The following DOCK2 variants were observed in gnomAD, a reference collection of about 807,000 sequenced individuals.
DOCK2 encodes dedicator of cytokinesis protein 2.
In DOCK2, 87 loss-of-function variants were observed where a neutral mutation model predicts 248.9. The observed-to-expected ratio is 0.35, with a 90% CI of 0.29 to 0.42. The LOEUF (loss-of-function observed/expected upper bound fraction) is 0.42. Ranked by LOEUF, DOCK2 falls within the 10% of genes least tolerant of loss-of-function variation. DOCK2 has a pLI of 1.00. For synonymous variants in DOCK2, 805 were observed against 821.6 expected, an observed-to-expected ratio of 0.98 and a Z score of 0.35; for missense variants, 1,747 against 2,300.2, an observed-to-expected ratio of 0.76 and a Z score of 4.92.
At position 169,942,775 on chromosome 5, in the gene DOCK2, G is replaced by C. The variant is rs561095971; in HGVS notation, c.2800-40293G>C. ...GGAAACAGAGATCACCAACTAGCCTGCTCAAAGGTTAACTGTCAGGAACCT... is the reference window on the plus strand; with the variant it reads ...GGAAACAGAGATCACCAACTAGCCTCCTCAAAGGTTAACTGTCAGGAACCT... On this transcript the variant is annotated intron_variant, in intron 27 of 51. Transcript: ENST00000520908. 2.0e-5 allele frequency among the ~76,000 whole-genome samples: 3 copies of C among 152,300 alleles called. No homozygotes were observed. In the East Asian group the frequency reaches 5.8e-4, roughly 29 times the overall value.
chr5:169,711,833 C>T, intron 15 of DOCK2, 102 bp from the exon 16 acceptor site: 2 of 1,235,994 alleles, frequency 1.6e-6, no homozygotes, highest in Non-Finnish European at 2.4e-6. Flanking sequence ...GCAGGCAGCT[C>T]TCTCAGTTAA....
intron 27 of DOCK2, among the ~76,000 whole-genome samples, chr5:169,872,697 C>T (rs951373657): frequency 9.9e-5 from 15 of 152,160 alleles, no homozygotes; most frequent in South Asian, 2.1e-4. Context: ...AGATCATCTC[C>T]GAGAAAGTTA....
intron 25 of DOCK2, among the ~76,000 whole-genome samples, chr5:169,799,237 C>A (rs1026177057): frequency 6.6e-6 from 1 of 152,144 alleles, no homozygotes; most frequent in Non-Finnish European, 1.5e-5. Context: ...TTTAAATCTC[C>A]TTTTTTAGAA....
intron 30 of DOCK2, among the ~76,000 whole-genome samples, chr5:170,007,216 A>C (rs1341242195): frequency 6.6e-6 from 1 of 152,226 alleles, no homozygotes; most frequent in Non-Finnish European, 1.5e-5. Flanking sequence ...TTTCAATGGC[A>C]GTATGATTTC....
intron 27 of DOCK2, among the ~76,000 whole-genome samples, chr5:169,913,201 A>C (rs1774703423): frequency 6.6e-6 from 1 of 152,350 alleles, no homozygotes; most frequent in African/African-American, 2.4e-5. Flanking sequence ...GGAATGTGCT[A>C]TTGAAGTTTA....
intron 32 of DOCK2, among the ~76,000 whole-genome samples, chr5:170,015,481 A>G (rs1755488525): frequency 6.6e-6 from 1 of 152,194 alleles, no homozygotes; most frequent in Non-Finnish European, 1.5e-5. Flanking sequence ...CATTGCCAGG[A>G]GGGAGCTTTT....
At chr5:169,762,464 G>A (rs1039245734) in intron 25 of DOCK2, among the ~76,000 whole-genome samples, 2 of 152,180 alleles carry the variant, frequency 1.3e-5, no homozygotes, top group African/African-American at 4.8e-5. Flanking sequence ...CCCACTGGCA[G>A]AAGACTTAGA....
At position 169,654,423 on chromosome 5, in the gene DOCK2, A is replaced by T; in HGVS notation, c.64A>T (p.Ser22Cys). The stretch of plus-strand genomic sequence containing the variant: ...CACAGCCATATACAACTTCCAAGGC[A>T]GCGGAGCCCCCCAGCTCTCCCTGCA... ...HGVAIYNFQG[S>C]GAPQLSLQIG... is the part of the protein sequence containing the mutation. The change falls in exon 2 of 52, where the codon AGC becomes TGC. Residue 22 changes from serine to cysteine, a missense_variant. Physicochemically the swap from Ser to Cys is moderately radical, Grantham distance 112. Around this residue, in one of 4 missense-constraint regions of DOCK2, gnomAD observed 375 missense variants for 510.9 expected, o/e 0.73. Coordinates refer to ENST00000520908, the MANE Select transcript of DOCK2 (RefSeq NM_004946.3). 1 of 1,614,192 alleles carries T rather than the reference A, an allele frequency of 6.2e-7. No individual in the cohort carries two copies. Among genetic ancestry groups the T allele is most frequent in the Non-Finnish European group, 8.5e-7 (1 of 1,180,020 alleles).
intron 27 of DOCK2, among the ~76,000 whole-genome samples, chr5:169,869,863 C>G (rs893753038): frequency 1.3e-5 from 2 of 152,220 alleles, no homozygotes; most frequent in South Asian, 4.1e-4. Context: ...ACCCTCCCAT[C>G]CTTACCATCT....
At chr5:169,804,238 T>C (rs1767168963) in intron 26 of DOCK2, among the ~76,000 whole-genome samples, 1 of 152,214 alleles carries the variant, frequency 6.6e-6, no homozygotes, top group African/African-American at 2.4e-5. Flanking sequence ...CTCCTGTCTC[T>C]TCCTTTCTAC....
chr5:170,049,417 A>C (rs1756836266), intron 40 of DOCK2, among the ~76,000 whole-genome samples: 1 of 152,194 alleles, frequency 6.6e-6, no homozygotes, highest in Admixed American at 6.5e-5. Context: ...CCAGCTGGGA[A>C]TCTGAATTTT....
chr5:169,837,166 G>GA (rs60253660), intron 26 of DOCK2, among the ~76,000 whole-genome samples: 104 of 151,450 alleles, frequency 6.9e-4, no homozygotes, highest in African/African-American at 2.3e-3. Context: ...ATTATTAAAA[G>GA]AAAAAAAAAT....
chr5:169,949,259 T>C lies in DOCK2; in HGVS notation c.2800-33809T>C, dbSNP rs549955050. On this transcript the variant is annotated intron_variant, in intron 27 of 51. Transcript: ENST00000520908. ...GAATGTGGTAGGGATCCATTGAAGA[T>C]ACAATCCTTGCCCTCCTGTTCTTTA... Among the ~76,000 whole-genome samples the C allele has an allele frequency of 2.0e-4, 30 of 152,344 alleles. No homozygotes were observed. The South Asian group carries it at 5.6e-3, about 28-fold the overall frequency.
At chr5:169,725,391 T>C (rs1374594347) in intron 22 of DOCK2, among the ~76,000 whole-genome samples, 1 of 152,232 alleles carries the variant, frequency 6.6e-6, no homozygotes, top group Non-Finnish European at 1.5e-5. Context: ...ACAGCCTTTC[T>C]CATGAACATA....
intron 50 of DOCK2, chr5:170,081,392 C>T (rs138404454): frequency 1.1e-4 from 18 of 159,850 alleles, no homozygotes; most frequent in East Asian, 1.1e-3. Context: ...GTCTCTGTGA[C>T]GCCAAGCTGG....
At chr5:169,800,014 A>G (rs1277654014) in intron 25 of DOCK2, among the ~76,000 whole-genome samples, 1 of 152,152 alleles carries the variant, frequency 6.6e-6, no homozygotes, top group Admixed American at 6.5e-5. Context: ...TATGTTGCCC[A>G]GGCTGGTCTT....
chr5:169,644,151 T>C (rs1757314592), intron 1 of DOCK2, among the ~76,000 whole-genome samples: 1 of 152,174 alleles, frequency 6.6e-6, no homozygotes, highest in African/African-American at 2.4e-5. Context: ...TCGTAGGTAT[T>C]GTGAGGTCCT....
intron 17 of DOCK2, 63 bp from the exon 18 acceptor site, chr5:169,713,965 A>G (rs2113534774): frequency 6.7e-7 from 1 of 1,499,216 alleles, no homozygotes; most frequent in East Asian, 2.3e-5. Context: ...TGTCTGCTGC[A>G]GGCTCTGTGT....
At chr5:169,769,728 TCA>T (rs1477703687) in intron 25 of DOCK2, among the ~76,000 whole-genome samples, 2 of 152,138 alleles carry the variant, frequency 1.3e-5, no homozygotes, top group Non-Finnish European at 2.9e-5. Context: ...TTGACCTCTC[TCA>T]AATGGGAGAC....
Sources: gnomAD v4.1 joint callset for allele counts (sites outside exome capture counted in the v4.1 genomes callset) on GRCh38, gnomAD v4.1.1 for gene constraint, gnomAD v4.1.1 regional missense constraint, MANE v1.5 for transcripts, NCBI Gene and HGNC (gene_info 2026-07-23, HGNC 2026-07-21) for gene names.